The following ZMYM1 variants were observed in gnomAD, a reference collection of about 807,000 sequenced individuals.
ZMYM1 encodes the protein zinc finger MYM-type containing 1, also known as zinc finger MYM-type protein 1.
ZMYM1 carries 39 observed loss-of-function variants against 60.0 expected under a neutral mutation model. That is an observed-to-expected ratio of 0.65 (90% CI 0.50 to 0.85). The LOEUF (loss-of-function observed/expected upper bound fraction) is 0.85. Ranked by LOEUF, ZMYM1 falls within the 40% of genes least tolerant of loss-of-function variation. ZMYM1 has a pLI of 0.00. For missense variants in ZMYM1, 1,171 were observed against 1,309.5 expected (o/e 0.89, Z 1.63); for synonymous variants, 413 against 454.0 (o/e 0.91, Z 1.15).
Position 35,115,281 on chromosome 1 carries a change from C to T in ZMYM1, c.*22C>T. 6.6e-7 allele frequency: 1 copy of T among 1,514,526 alleles called. No individual in the cohort carries two copies. The highest frequency in any genetic ancestry group is 1.4e-5 in the African/African-American group (1 of 71,352). The allele number at this position is 1,514,526 out of a possible 1,614,324, so 93.8% of individuals were successfully genotyped here. On this transcript the variant is annotated 3_prime_UTR_variant, in exon 10 of 10. Transcript: ENST00000359858. ...ATAATACATGCTCATTTGAACTTAC[C>T]TAAAAGACTTGTATTTCCATTGGGA... is the stretch of plus-strand genomic sequence containing the variant.
intron 4 of ZMYM1, among the ~76,000 whole-genome samples, chr1:35,100,506 C>T (rs571787869): frequency 6.6e-6 from 1 of 151,822 alleles, no homozygotes; most frequent in South Asian, 2.1e-4. Flanking sequence ...CCTGTAAACC[C>T]AGCTACACCA....
rs747990806 is a variant in ZMYM1 at position 35,104,470 on chromosome 1, G to T, written c.594+1G>T. On this transcript the variant is annotated splice_donor_variant, in intron 5 of 9. Transcript: ENST00000359858. LOFTEE classifies it high-confidence loss of function. ...CAGCATGTGCCAGAAGACTGCTATT[G>T]TAAGTTCCAATTATAACCTTTACAG... 1.9e-6 allele frequency: 3 copies of T among 1,608,958 alleles called. No individual in the cohort carries two copies. Among genetic ancestry groups the T allele is most frequent in the Admixed American group, 1.7e-5 (1 of 59,490 alleles).
At chr1:35,105,425 C>T (rs1019481886) in intron 6 of ZMYM1, among the ~76,000 whole-genome samples, 2 of 151,736 alleles carry the variant, frequency 1.3e-5, no homozygotes, top group African/African-American at 4.8e-5. Flanking sequence ...GCATGAACCA[C>T]CACACCTGAC....
chr1:35,074,691 G>T (rs1642134977), upstream of ZMYM1, among the ~76,000 whole-genome samples: 1 of 152,162 alleles, frequency 6.6e-6, no homozygotes, highest in South Asian at 2.1e-4. Context: ...ACAGGCATGA[G>T]CCACCGCACC....
intron 1 of ZMYM1, among the ~76,000 whole-genome samples, chr1:35,088,297 A>G (rs564860557): frequency 9.9e-5 from 15 of 151,372 alleles, no homozygotes; most frequent in Admixed American, 6.6e-5. Context: ...ACGTGCCTGT[A>G]ATCCCAGCTA....
At chr1:35,073,835 C>T (rs1020141575) in intron 1 of ZMYM1, among the ~76,000 whole-genome samples, 1 of 152,028 alleles carries the variant, frequency 6.6e-6, no homozygotes, top group Non-Finnish European at 1.5e-5. Flanking sequence ...TCGCTCTGTC[C>T]CCCAGCCTGG....
At chr1:35,107,480 A>C (rs1353803352) in intron 6 of ZMYM1, among the ~76,000 whole-genome samples, 1 of 151,578 alleles carries the variant, frequency 6.6e-6, no homozygotes, top group Non-Finnish European at 1.5e-5. Flanking sequence ...GAAAAAAAAA[A>C]AAAAACCTGT....
chr1:35,088,450 ATATATGTGTGTGTGTGTG>A (rs1385280149), intron 1 of ZMYM1, among the ~76,000 whole-genome samples: 6 of 104,028 alleles, frequency 5.8e-5, no homozygotes, highest in African/African-American at 2.6e-4. Context: ...ATATATATAT[ATATATGTGTGTGTGTGTG>A]TGTGTGTGTG....
intron 3 of ZMYM1, among the ~76,000 whole-genome samples, chr1:35,096,749 G>A (rs1248363990): frequency 6.6e-6 from 1 of 152,106 alleles, no homozygotes; most frequent in East Asian, 1.9e-4. Flanking sequence ...TTGCCAGGCT[G>A]GAGGGCAGTG....
At chr1:35,100,324 A>G (rs1643575088) in intron 4 of ZMYM1, among the ~76,000 whole-genome samples, 1 of 152,102 alleles carries the variant, frequency 6.6e-6, no homozygotes, top group Non-Finnish European at 1.5e-5. Flanking sequence ...ATCTTATTAG[A>G]AAGATGCGAT....
chr1:35,114,721 A>G lies in ZMYM1; in HGVS notation c.2891A>G (p.Lys964Arg). The G allele has an allele frequency of 1.3e-6, 2 of 1,574,432 alleles. No individual in the cohort carries two copies. The highest frequency in any genetic ancestry group is 1.7e-6 in the Non-Finnish European group (2 of 1,161,974). The change falls in exon 10 of 10, where the codon AAA becomes AGA. Residue 964 changes from lysine (K) to arginine (R), a missense_variant. Lys to Arg is a conservative substitution (Grantham distance 26, BLOSUM62 2). Coordinates refer to ENST00000359858, the MANE Select transcript of ZMYM1 (RefSeq NM_024772.5). ...CCTACTTCAACAGAAGAACAATATA[A>G]AATTAATATCTATTACCAAGGATTA... ...FFPTSTEEQY[K>R]INIYYQGLDT...
rs1485723584 is a variant in ZMYM1, at chr1:35,062,051, C to T, written c.-301+2126C>T. ...TTCACCATGTTGGCCAAGCTGGCCT[C>T]GAACTCTTGACCTCGTGATCTGCCC... On this transcript the variant is annotated intron_variant, in intron 1 of 10. Coordinates refer to the ZMYM1 transcript ENST00000417119. Among the ~76,000 whole-genome samples the T allele has an allele frequency of 5.9e-5, 9 of 151,978 alleles. No homozygotes were observed. In the South Asian group the frequency reaches 1.9e-3, roughly 32 times the overall value.
rs901073550 is a variant in ZMYM1 at position 35,112,209 on chromosome 1, G to A, written c.1146+79G>A. On this transcript the variant is annotated intron_variant, in intron 9 of 9. Coordinates refer to ENST00000359858, the MANE Select transcript of ZMYM1 (RefSeq NM_024772.5). ...GTTGTTGTTGTTGAGACAGAGTCTCGCTCTGCCACCCAAGCTGGAGTGCAG... is the reference window on the plus strand; with the variant it reads ...GTTGTTGTTGTTGAGACAGAGTCTCACTCTGCCACCCAAGCTGGAGTGCAG... 8 of 1,435,196 alleles carry A rather than the reference G, an allele frequency of 5.6e-6. No homozygotes were observed. In the African/African-American group the frequency reaches 5.6e-5, roughly 10 times the overall value. The allele number at this position is 1,435,196 out of a possible 1,614,324, so 88.9% of individuals were successfully genotyped here.
chr1:35,114,207 A>G lies in ZMYM1; in HGVS notation c.2377A>G (p.Arg793Gly), dbSNP rs767421098. Residue 793 changes from arginine (R) to glycine (G), a missense_variant, in exon 10 of 10, where the codon AGG becomes GGG. By Grantham distance (125) the Arg-to-Gly change is moderately radical (BLOSUM62 -2). Coordinates refer to ENST00000359858, the MANE Select transcript of ZMYM1 (RefSeq NM_024772.5). ...EMLANFRNIY[R>G]LSQNKTCKKH... is the part of the protein sequence containing the mutation. ...GTTGGCAAATTTTCGAAACATTTAT[A>G]GGCTAAGTCAAAACAAAACATGCAA... 1 of 1,613,178 alleles carries G rather than the reference A, an allele frequency of 6.2e-7. No individual in the cohort carries two copies. The highest frequency in any genetic ancestry group is 1.1e-5 in the South Asian group (1 of 90,714).
At chr1:35,072,091 G>T (rs894038661) in intron 1 of ZMYM1, among the ~76,000 whole-genome samples, 2 of 152,142 alleles carry the variant, frequency 1.3e-5, no homozygotes, top group Admixed American at 1.3e-4. Context: ...CCGAGATCAC[G>T]CCATTGCATT....
At chr1:35,088,442 ATATATATATATATGTGTG>A (rs1369094923) in intron 1 of ZMYM1, among the ~76,000 whole-genome samples, 1 of 108,948 alleles carries the variant, frequency 9.2e-6, no homozygotes, top group Non-Finnish European at 1.7e-5. Context: ...GTGTATATAT[ATATATATATATATGTGTG>A]TGTGTGTGTG....
At chr1:35,078,872 A>G (rs1642227214), upstream of ZMYM1, 1 of 151,794 alleles carries the variant, frequency 6.6e-6, no homozygotes, top group Admixed American at 6.6e-5. Flanking sequence ...ATTTTAACGT[A>G]CTAATGAAAG....
chr1:35,065,396 T>G (rs776388870), intron 1 of ZMYM1, among the ~76,000 whole-genome samples: 1 of 152,104 alleles, frequency 6.6e-6, no homozygotes, highest in Non-Finnish European at 1.5e-5. Flanking sequence ...TTCTCTAGCT[T>G]ACTTTATTGT....
chr1:35,100,114 C>T (rs61777994), intron 4 of ZMYM1, among the ~76,000 whole-genome samples: 1,702 of 152,210 alleles, frequency 0.011, 32 homozygotes, highest in African/African-American at 0.039. Context: ...TGGTCTCGAA[C>T]TCCGGACCTC....
Sources: allele counts gnomAD v4.1 joint callset (sites outside exome capture counted in the v4.1 genomes callset), GRCh38; gene constraint gnomAD v4.1.1; transcripts MANE v1.5; gene names NCBI Gene and HGNC (gene_info 2026-07-23, HGNC 2026-07-21).